The following ACVR1C variants were observed in gnomAD, a reference collection of about 807,000 sequenced individuals.
The protein encoded by ACVR1C is activin receptor type-1C.
In ACVR1C, 23 loss-of-function variants were observed where a neutral mutation model predicts 57.9. The observed-to-expected ratio is 0.40, with a 90% CI of 0.29 to 0.56. ACVR1C has a LOEUF of 0.56. Ranked by LOEUF, ACVR1C falls within the 20% of genes least tolerant of loss-of-function variation. The pLI, the probability that ACVR1C is intolerant of heterozygous loss-of-function variation, is 0.50. For synonymous variants in ACVR1C, 214 were observed against 215.3 expected (o/e 0.99, Z 0.05); for missense variants, 480 against 607.9 (o/e 0.79, Z 2.21).
At chr2:157,548,602 C>G (rs1418572612) in intron 4 of ACVR1C, among the ~76,000 whole-genome samples, 4 of 151,140 alleles carry the variant, frequency 2.6e-5, no homozygotes, top group African/African-American at 9.7e-5. Context: ...TGGAACAGAA[C>G]AGAGCCCTCA....
Position 157,533,789 on chromosome 2 carries a change from A to T in ACVR1C, c.*129T>A. Reference sequence around the variant, plus strand: ...TAGAGTTATCTTTTCATGCTGCCTTATGGGCACTTAAATACTGTACTGTCT... The same window carrying T: ...TAGAGTTATCTTTTCATGCTGCCTTTTGGGCACTTAAATACTGTACTGTCT... On this transcript the variant is annotated 3_prime_UTR_variant, in exon 9 of 9. Coordinates refer to ENST00000243349, the MANE Select transcript of ACVR1C (RefSeq NM_145259.3). 1 of 840,772 alleles carries T rather than the reference A, an allele frequency of 1.2e-6. No homozygotes were observed. The highest frequency in any genetic ancestry group is 1.6e-6 in the Non-Finnish European group (1 of 609,638). The allele number at this position is 840,772 out of a possible 1,614,324, so 52.1% of individuals were successfully genotyped here. A position where few individuals can be genotyped will look rare whatever the true frequency, so the allele number is the denominator to read the frequency against.
intron 1 of ACVR1C, among the ~76,000 whole-genome samples, chr2:157,607,705 T>C (rs968209549): frequency 8.6e-5 from 13 of 151,572 alleles, no homozygotes; most frequent in Non-Finnish European, 1.6e-4. Context: ...TTTATTCCTA[T>C]GTATTTTTGT....
chr2:157,612,496 G>A (rs1325102040), intron 1 of ACVR1C, among the ~76,000 whole-genome samples: 1 of 152,200 alleles, frequency 6.6e-6, no homozygotes, highest in Non-Finnish European at 1.5e-5. Flanking sequence ...CAGCACTCAG[G>A]CTCACCCACC....
chr2:157,628,071 T>A (rs1404606552), intron 1 of ACVR1C, among the ~76,000 whole-genome samples: 1 of 152,114 alleles, frequency 6.6e-6, no homozygotes, highest in East Asian at 1.9e-4. Context: ...ATCTGCGGCT[T>A]TTGGGGTATT....
intron 1 of ACVR1C, among the ~76,000 whole-genome samples, chr2:157,588,983 C>G (rs546649441): frequency 4.1e-4 from 61 of 150,296 alleles, no homozygotes; most frequent in African/African-American, 1.4e-3. Flanking sequence ...TAAATTGATG[C>G]CATATCTTTG....
Position 157,547,221 on chromosome 2 carries a change from T to C in ACVR1C, c.776-2609A>G, listed in dbSNP as rs550846363. Among the ~76,000 whole-genome samples, 49 of 127,676 alleles carry C rather than the reference T, an allele frequency of 3.8e-4. 1 individual carries two copies. The highest frequency in any genetic ancestry group is 1.3e-3 in the African/African-American group (47 of 35,752). The allele number at this position is 127,676 out of a possible 152,430, so 83.8% of individuals were successfully genotyped here. A position where few individuals can be genotyped will look rare whatever the true frequency, so the allele number is the denominator to read the frequency against. On this transcript the variant is annotated intron_variant, in intron 4 of 8. Coordinates refer to ENST00000243349, the MANE Select transcript of ACVR1C (RefSeq NM_145259.3). ...TTTTCTTAATCCAGTCTATCATTGT[T>C]GGACATTTGGGTTGGTTCCAAGTCT... is the stretch of plus-strand genomic sequence containing the variant.
At chr2:157,546,917 C>T (rs555818481) in intron 4 of ACVR1C, among the ~76,000 whole-genome samples, 3 of 151,826 alleles carry the variant, frequency 2.0e-5, no homozygotes, top group Non-Finnish European at 2.9e-5. Flanking sequence ...GCTGCACCCA[C>T]TAACTCGTCA....
At chr2:157,619,969 T>C (rs1189566815) in intron 1 of ACVR1C, among the ~76,000 whole-genome samples, 6 of 151,976 alleles carry the variant, frequency 3.9e-5, no homozygotes, top group Admixed American at 3.3e-4. Context: ...AAAAACTTCA[T>C]GGTAATGGCA....
At chr2:157,570,515 G>A (rs1688492310) in intron 2 of ACVR1C, among the ~76,000 whole-genome samples, 1 of 73,072 alleles carries the variant, frequency 1.4e-5, no homozygotes, top group Non-Finnish European at 2.8e-5. Context: ...CTTCAGCAAA[G>A]TCTCAGGATA....
At chr2:157,627,761 A>T (rs1156464923) in intron 1 of ACVR1C, among the ~76,000 whole-genome samples, 1 of 152,244 alleles carries the variant, frequency 6.6e-6, no homozygotes, top group East Asian at 1.9e-4. Flanking sequence ...TCCTCTGCAT[A>T]ATCCAGGACA....
intron 4 of ACVR1C, 128 bp downstream of exon 4, chr2:157,550,034 G>GAAAAA: frequency 6.7e-6 from 4 of 599,688 alleles, no homozygotes; most frequent in East Asian, 3.5e-5. Flanking sequence ...AAAGGAAAAG[G>GAAAAA]AAAAAAAAAA....
intron 1 of ACVR1C, among the ~76,000 whole-genome samples, chr2:157,591,219 C>T (rs912287280): frequency 1.3e-5 from 2 of 151,858 alleles, no homozygotes; most frequent in Admixed American, 1.3e-4. Context: ...TGACTGCTCT[C>T]CTTTTTTTAA....
At chr2:157,566,147 T>C (rs182962483) in intron 2 of ACVR1C, among the ~76,000 whole-genome samples, 20 of 152,334 alleles carry the variant, frequency 1.3e-4, no homozygotes, top group Admixed American at 3.9e-4. Context: ...ATAGTAATTA[T>C]TCAAGAAATA....
At chr2:157,540,081 G>T (rs1486594389) in intron 7 of ACVR1C, among the ~76,000 whole-genome samples, 1 of 152,126 alleles carries the variant, frequency 6.6e-6, no homozygotes, top group Non-Finnish European at 1.5e-5. Context: ...TGTACTAAAA[G>T]CTTCACATGA....
At chr2:157,554,264 A>AAGGAAGGAAGGAAGG (rs1558975100) in intron 3 of ACVR1C, among the ~76,000 whole-genome samples, 1 of 127,410 alleles carries the variant, frequency 7.8e-6, no homozygotes, top group African/African-American at 4.2e-5. Context: ...AGAAAGAAAG[A>AAGGAAGGAAGGAAGG]AAGAAAGGAA....
rs60182304 is a variant in ACVR1C at position 157,599,314 on chromosome 2, CAAAAAAAAAAAAAAAAAAA to C, written c.74-11916_74-11898del. 1.1e-3 allele frequency among the ~76,000 whole-genome samples: 43 copies of C among 40,606 alleles called. No individual in the cohort carries two copies. The South Asian group carries it at 0.021, about 20-fold the overall frequency. 26.6% of individuals were successfully genotyped at this position (40,606 alleles called of 152,430 possible). A position where few individuals can be genotyped will look rare whatever the true frequency, so the allele number is the denominator to read the frequency against. ...GCGCCACTGCACTACAGCCTGGGCT[CAAAAAAAAAAAAAAAAAAA>C]AAAAAAAAAAAAAAAAAAAGGCTGA... On this transcript the variant is annotated intron_variant, in intron 1 of 8. Coordinates refer to ENST00000243349, the MANE Select transcript of ACVR1C (RefSeq NM_145259.3).
At chr2:157,580,237 TTTATTTTAGTTTTCA>T (rs1688758197) in intron 2 of ACVR1C, among the ~76,000 whole-genome samples, 1 of 152,226 alleles carries the variant, frequency 6.6e-6, no homozygotes, top group African/African-American at 2.4e-5. Flanking sequence ...ATCATTCATT[TTTATTTTAGTTTTCA>T]TCAAGTCAAT....
chr2:157,565,174 G>C (rs1205567854), intron 2 of ACVR1C, among the ~76,000 whole-genome samples: 2 of 151,940 alleles, frequency 1.3e-5, no homozygotes, highest in Admixed American at 6.6e-5. Flanking sequence ...ATAAGAAAAA[G>C]ATTATCACGA....
intron 3 of ACVR1C, among the ~76,000 whole-genome samples, chr2:157,550,733 G>GT: frequency 1.9e-5 from 1 of 51,712 alleles, no homozygotes; most frequent in South Asian, 7.4e-4. Flanking sequence ...AAGAGTAAAA[G>GT]CAAAAAAAAA....
Sources: allele counts gnomAD v4.1 joint callset (sites outside exome capture counted in the v4.1 genomes callset), GRCh38; gene constraint gnomAD v4.1.1; transcripts MANE v1.5; gene names NCBI Gene and HGNC (gene_info 2026-07-23, HGNC 2026-07-21).